MIPEP: variants seen among roughly 807,000 people sequenced by gnomAD.
MIPEP encodes the protein mitochondrial intermediate peptidase.
MIPEP carries 79 observed loss-of-function variants against 90.3 expected under a neutral mutation model. The ratio of observed to expected loss-of-function variants is 0.87; its 90% confidence interval spans 0.73 to 1.05. The LOEUF is 1.05. Ranked by LOEUF, MIPEP falls within the 50% of genes least tolerant of loss-of-function variation. The pLI, the probability that MIPEP is intolerant of heterozygous loss-of-function variation, is 0.00. For missense variants in MIPEP, 940 were observed against 905.6 expected (o/e 1.04, Z -0.49); for synonymous variants, 334 against 315.8 (o/e 1.06, Z -0.61).
chr13:23,802,457 A>C (rs1389774343), intron 16 of MIPEP, among the ~76,000 whole-genome samples: 1 of 151,920 alleles, frequency 6.6e-6, no homozygotes. Context: ...AATCCCAGCT[A>C]CTCAGGAGGC....
chr13:23,829,015 T>C (rs1057469037), intron 14 of MIPEP, among the ~76,000 whole-genome samples: 3 of 152,200 alleles, frequency 2.0e-5, no homozygotes, highest in African/African-American at 7.2e-5. Context: ...AACAATGGAA[T>C]GAAAGAGAAT....
chr13:23,750,155 C>T (rs1952427045), intron 18 of MIPEP, among the ~76,000 whole-genome samples: 1 of 152,142 alleles, frequency 6.6e-6, no homozygotes, highest in South Asian at 2.1e-4. Context: ...AGAGTTCCTC[C>T]ACACTCCACA....
At chr13:23,782,591 G>A (rs4769287) in intron 16 of MIPEP, among the ~76,000 whole-genome samples, 106,509 of 151,948 alleles carry the variant, frequency 0.7, 39,830 homozygotes, top group Non-Finnish European at 0.83. Context: ...CAGAAGGCAA[G>A]AAATAACCAA....
At chr13:23,862,005 A>G (rs1870327403) in intron 9 of MIPEP, among the ~76,000 whole-genome samples, 1 of 152,230 alleles carries the variant, frequency 6.6e-6, no homozygotes. Context: ...GTCTGCTTCA[A>G]ACTGAGAAGC....
In MIPEP at chr13:23,752,957, G is replaced by A. The variant is rs940494397; in HGVS notation, c.2044+3588C>T. 7.9e-5 allele frequency among the ~76,000 whole-genome samples: 12 copies of A among 152,210 alleles called. No individual in the cohort carries two copies. The East Asian group carries it at 2.3e-3, about 29-fold the overall frequency. On this transcript the variant is annotated intron_variant, in intron 18 of 18. Coordinates refer to ENST00000382172, the MANE Select transcript of MIPEP (RefSeq NM_005932.4). Reference sequence around the variant, plus strand: ...AAAGAAGTGCTTTGGGCCAGGCAAGGTGGCTCAGGCCTGTAACCCCAGCAC... The same window carrying A: ...AAAGAAGTGCTTTGGGCCAGGCAAGATGGCTCAGGCCTGTAACCCCAGCAC...
chr13:23,880,143 G>C (rs948340997), intron 3 of MIPEP, among the ~76,000 whole-genome samples: 2 of 152,082 alleles, frequency 1.3e-5, no homozygotes, highest in Non-Finnish European at 2.9e-5. Context: ...CTGTTCCTCA[G>C]TTGGTTCACA....
At chr13:23,820,247 C>T (rs1751484027) in intron 14 of MIPEP, among the ~76,000 whole-genome samples, 1 of 152,172 alleles carries the variant, frequency 6.6e-6, no homozygotes, top group Non-Finnish European at 1.5e-5. Flanking sequence ...GAGGCCCTGC[C>T]TGTGGTAGAA....
At chr13:23,733,984 G>A (rs958158813) in intron 18 of MIPEP, among the ~76,000 whole-genome samples, 3 of 152,168 alleles carry the variant, frequency 2.0e-5, no homozygotes, top group Admixed American at 6.5e-5. Context: ...GGATAGAAAC[G>A]CTGGGTATGT....
intron 14 of MIPEP, among the ~76,000 whole-genome samples, chr13:23,827,921 ACT>A (rs1868541649): frequency 6.6e-6 from 1 of 152,158 alleles, no homozygotes; most frequent in South Asian, 2.1e-4. Context: ...ATGGAGGGAG[ACT>A]CTGTCTCAAA....
At chr13:23,744,574 T>C (rs1952364960) in intron 18 of MIPEP, among the ~76,000 whole-genome samples, 1 of 152,172 alleles carries the variant, frequency 6.6e-6, no homozygotes, top group Non-Finnish European at 1.5e-5. Context: ...GTTTAGAGAA[T>C]TAAATGAGAT....
chr13:23,821,833 C>T lies in MIPEP; in HGVS notation c.1654-11909G>A, dbSNP rs79245460. ...AGTAGCTATGTAAATAGTTGTTACACTGTACTGCTTTTTTACTTGCATTTT... is the reference window on the plus strand; with the variant it reads ...AGTAGCTATGTAAATAGTTGTTACATTGTACTGCTTTTTTACTTGCATTTT... On this transcript the variant is annotated intron_variant, in intron 14 of 18. Coordinates refer to ENST00000382172, the MANE Select transcript of MIPEP (RefSeq NM_005932.4). Among the ~76,000 whole-genome samples the T allele has an allele frequency of 4.0e-3, 612 of 152,284 alleles. 7 individuals carry two copies. The highest frequency in any genetic ancestry group is 0.014 in the African/African-American group (575 of 41,556).
At chr13:23,828,034 G>A (rs1469199306) in intron 14 of MIPEP, among the ~76,000 whole-genome samples, 2 of 152,128 alleles carry the variant, frequency 1.3e-5, no homozygotes, top group African/African-American at 2.4e-5. Context: ...ATGCAAAGGT[G>A]GCTAATGTTT....
At chr13:23,827,909 C>T (rs537247448) in intron 14 of MIPEP, among the ~76,000 whole-genome samples, 16 of 151,970 alleles carry the variant, frequency 1.1e-4, no homozygotes, top group African/African-American at 2.2e-4. Context: ...CCAGCCTGGG[C>T]GATGGAGGGA....
chr13:23,874,824 A>C, intron 5 of MIPEP, 22 bp downstream of exon 5: 1 of 1,572,988 alleles, frequency 6.4e-7, no homozygotes, highest in Non-Finnish European at 8.6e-7. Flanking sequence ...GGAAGAGTCA[A>C]AAAAACAGCA....
intron 16 of MIPEP, among the ~76,000 whole-genome samples, chr13:23,777,769 C>T (rs1370104554): frequency 1.3e-5 from 2 of 152,184 alleles, no homozygotes; most frequent in Non-Finnish European, 2.9e-5. Flanking sequence ...TTCAAATAAG[C>T]AAACTCCACT....
Position 23,755,510 on chromosome 13 carries a change from T to C in MIPEP, c.2044+1035A>G, listed in dbSNP as rs1952482245. 2.6e-5 allele frequency among the ~76,000 whole-genome samples: 4 copies of C among 152,212 alleles called. 1 individual carries two copies. The South Asian group carries it at 8.3e-4, about 32-fold the overall frequency. On this transcript the variant is annotated intron_variant, in intron 18 of 18. Transcript: ENST00000382172. ...TCAATTACTACAATGAAAACACTTC[T>C]CCAATATTGAAAGTTATTTCCTATA...
chr13:23,867,446 C>T lies in MIPEP; in HGVS notation c.943+1846G>A, dbSNP rs546538805. On this transcript the variant is annotated intron_variant, in intron 7 of 18. Transcript: ENST00000382172. The stretch of plus-strand genomic sequence containing the variant: ...CTTCCGACAATGCTCTCTAAAACTC[C>T]AACACCAGCCTACATGCCCACATAC... Among the ~76,000 whole-genome samples, 14 of 152,262 alleles carry T rather than the reference C, an allele frequency of 9.2e-5. 1 individual carries two copies. In the South Asian group the frequency reaches 2.7e-3, roughly 29 times the overall value.
chr13:23,840,078 T>A (rs550640499), intron 11 of MIPEP, among the ~76,000 whole-genome samples: 1 of 152,190 alleles, frequency 6.6e-6, no homozygotes, highest in Non-Finnish European at 1.5e-5. Flanking sequence ...CTTCAAATCC[T>A]GGAATGTCGT....
rs150041628 is a variant in MIPEP at position 23,749,384 on chromosome 13, T to C, written c.2044+7161A>G. 2.0e-5 allele frequency among the ~76,000 whole-genome samples: 3 copies of C among 152,364 alleles called. No homozygotes were observed. The East Asian group carries it at 5.8e-4, about 29-fold the overall frequency. On this transcript the variant is annotated intron_variant, in intron 18 of 18. Transcript: ENST00000382172. The stretch of plus-strand genomic sequence containing the variant: ...ATTTTAAAAAAAAGGCATCAACGCT[T>C]ATTATTTAAGCTGCTGTGTCACAAG...
Sources: allele counts gnomAD v4.1 joint callset (sites outside exome capture counted in the v4.1 genomes callset), GRCh38; gene constraint gnomAD v4.1.1; transcripts MANE v1.5; gene names NCBI Gene and HGNC (gene_info 2026-07-23, HGNC 2026-07-21).